The following DZANK1 variants were observed in gnomAD, a reference collection of about 807,000 sequenced individuals.
DZANK1 encodes the protein double zinc ribbon and ankyrin repeat-containing protein 1.
A neutral mutation model predicts 94.5 loss-of-function variants in DZANK1; 91 were observed. That is an observed-to-expected ratio of 0.96 (90% CI 0.81 to 1.15). The LOEUF is 1.15. Ranked by LOEUF, DZANK1 falls within the 50% of genes most tolerant of loss-of-function variation. DZANK1 has a pLI of 0.00. For missense variants in DZANK1, 903 were observed against 916.4 expected (o/e 0.99, Z 0.19); for synonymous variants, 312 against 325.3 (o/e 0.96, Z 0.44).
Position 18,389,873 on chromosome 20 carries a change from TCA to T in DZANK1, c.1891-47_1891-46del, listed in dbSNP as rs1421945642. On this transcript the variant is annotated intron_variant, in intron 18 of 20. Coordinates refer to ENST00000262547, the Ensembl canonical transcript of DZANK1. ...ACAAACTCTCCAAAACACCCTGCAC[TCA>T]ACAGCATCCAGTCGCCATCCTATGA... is the stretch of plus-strand genomic sequence containing the variant. 3.1e-6 allele frequency: 5 copies of T among 1,609,126 alleles called. No homozygotes were observed. The Admixed American group carries it at 8.4e-5, about 27-fold the overall frequency.
At chr20:18,387,107 C>A (rs775213252) in intron 19 of DZANK1, among the ~76,000 whole-genome samples, 1 of 152,204 alleles carries the variant, frequency 6.6e-6, no homozygotes, top group Non-Finnish European at 1.5e-5. Context: ...TGTCACTTCA[C>A]CCCTATGGTT....
intron 19 of DZANK1, among the ~76,000 whole-genome samples, chr20:18,385,303 A>G (rs1449436023): frequency 6.6e-6 from 1 of 151,956 alleles, no homozygotes; most frequent in African/African-American, 2.4e-5. Context: ...TTATAAACAC[A>G]TTCATTTTTT....
intron 17 of DZANK1, among the ~76,000 whole-genome samples, chr20:18,392,715 T>C (rs2056085156): frequency 6.6e-6 from 1 of 152,216 alleles, no homozygotes; most frequent in Admixed American, 6.5e-5. Context: ...TCTAAAACGG[T>C]ACTGACCATC....
intron 8 of DZANK1, among the ~76,000 whole-genome samples, chr20:18,442,626 C>G (rs946036009): frequency 4.6e-5 from 7 of 152,138 alleles, no homozygotes; most frequent in African/African-American, 1.4e-4. Flanking sequence ...TGAGGCATAA[C>G]TCGAATCTAA....
At chr20:18,414,553 A>G (rs1433155164) in intron 11 of DZANK1, 41 bp from the exon 12 acceptor site, 2 of 1,549,670 alleles carry the variant, frequency 1.3e-6, no homozygotes, top group Admixed American at 2.0e-5. Context: ...TAGAGTTATA[A>G]TTTCCTCATG....
intron 10 of DZANK1, among the ~76,000 whole-genome samples, chr20:18,416,856 C>T (rs1202768790): frequency 6.6e-6 from 1 of 152,112 alleles, no homozygotes; most frequent in Non-Finnish European, 1.5e-5. Context: ...TTCAATTATC[C>T]TATTCTTAAA....
In DZANK1 at chr20:18,384,491, C is replaced by A. The variant is rs752231081; in HGVS notation, c.2167G>T (p.Asp723Tyr). ...GCAGCAAAGAGTGAGGTGACAAGGT[C>A]ATCTCCAGTGTTCAGAGCCAGGTCG... The change falls in exon 21 of 21, where the codon GAC becomes TAC. Residue 723 changes from aspartate to tyrosine, a missense_variant. Transcript: ENST00000262547. 1 of 1,612,146 alleles carries A rather than the reference C, an allele frequency of 6.2e-7. No homozygotes were observed. Among genetic ancestry groups the A allele is most frequent in the Non-Finnish European group, 8.5e-7 (1 of 1,179,174 alleles).
chr20:18,428,306 A>G (rs1359476818), intron 9 of DZANK1, among the ~76,000 whole-genome samples: 1 of 151,390 alleles, frequency 6.6e-6, no homozygotes, highest in Non-Finnish European at 1.5e-5. Flanking sequence ...CTTCTGCCTC[A>G]GCCTCCCGAG....
In DZANK1 at chr20:18,390,477, G is replaced by A; in HGVS notation, c.1810-18C>T. The A allele has an allele frequency of 6.2e-7, 1 of 1,611,774 alleles. No individual in the cohort carries two copies. Among genetic ancestry groups the A allele is most frequent in the Non-Finnish European group, 8.5e-7 (1 of 1,177,992 alleles). On this transcript the variant is annotated intron_variant, in intron 17 of 20. Coordinates refer to ENST00000262547, the Ensembl canonical transcript of DZANK1. ...TTTTCAGGCTGCAGGATTACAGAAT[G>A]TGGTCATTTCCCCCACTTCAAAATA... is the stretch of plus-strand genomic sequence containing the variant.
chr20:18,428,696 C>T (rs2058160693), intron 9 of DZANK1: 1 of 152,238 alleles, frequency 6.6e-6, no homozygotes, highest in Non-Finnish European at 1.5e-5. Context: ...TAGTCCAGCA[C>T]TGCGGTCCCT....
chr20:18,449,746 ACT>A (rs1272749387), intron 6 of DZANK1, among the ~76,000 whole-genome samples: 1 of 124,686 alleles, frequency 8.0e-6, no homozygotes, highest in African/African-American at 2.9e-5. Flanking sequence ...TGAGAGTGAG[ACT>A]CTGTCTCAAA....
intron 14 of DZANK1, among the ~76,000 whole-genome samples, chr20:18,397,823 C>G (rs1221060476): frequency 6.6e-6 from 1 of 152,118 alleles, no homozygotes; most frequent in Non-Finnish European, 1.5e-5. Context: ...TGCGGCCACT[C>G]CATGTAGCTT....
In DZANK1 at chr20:18,414,974, C is replaced by G. The variant is rs145266309; in HGVS notation, c.1077+353G>C. On this transcript the variant is annotated intron_variant, in intron 11 of 20. Transcript: ENST00000262547. The stretch of plus-strand genomic sequence containing the variant: ...CTGTGGGACTTAGAGAGAGAGGAGA[C>G]TAACCCTTCACTCTAAAACTTTTTT... Among the ~76,000 whole-genome samples the G allele has an allele frequency of 3.5e-3, 539 of 152,324 alleles. 1 individual carries two copies. Among genetic ancestry groups the G allele is most frequent in the Middle Eastern group, 6.8e-3 (2 of 294 alleles).
intron 8 of DZANK1, among the ~76,000 whole-genome samples, chr20:18,442,271 A>G (rs1285930132): frequency 1.3e-5 from 2 of 152,200 alleles, no homozygotes; most frequent in African/African-American, 4.8e-5. Flanking sequence ...GCAAGTAGAA[A>G]ATAATTTTGG....
chr20:18,451,465 C>T (rs925712339), intron 6 of DZANK1, among the ~76,000 whole-genome samples: 1 of 152,134 alleles, frequency 6.6e-6, no homozygotes, highest in Non-Finnish European at 1.5e-5. Context: ...AAGTTGAGGA[C>T]TTTCTTCATT....
At chr20:18,399,780 C>T (rs2056571738) in intron 13 of DZANK1, among the ~76,000 whole-genome samples, 2 of 152,184 alleles carry the variant, frequency 1.3e-5, no homozygotes, top group South Asian at 2.1e-4. Context: ...ACAGGCTGAC[C>T]ACCTGAGGCC....
rs1286951949 is a variant in DZANK1 at position 18,460,391 on chromosome 20, A to C, written c.110-85T>G. 5 of 988,176 alleles carry C rather than the reference A, an allele frequency of 5.1e-6. No individual in the cohort carries two copies. In the African/African-American group the frequency reaches 6.6e-5, roughly 13 times the overall value. The allele number at this position is 988,176 out of a possible 1,614,324, so 61.2% of individuals were successfully genotyped here. On this transcript the variant is annotated intron_variant, in intron 2 of 20. Coordinates refer to ENST00000262547, the Ensembl canonical transcript of DZANK1. ...TGCCTATAGGTCAGTTTAAGATCTAAGTGTGTGATTTAAGATTTAAAGTTG... is the reference window on the plus strand; with the variant it reads ...TGCCTATAGGTCAGTTTAAGATCTACGTGTGTGATTTAAGATTTAAAGTTG...
chr20:18,422,420 A>C (rs1044677121), intron 10 of DZANK1, among the ~76,000 whole-genome samples: 3 of 152,160 alleles, frequency 2.0e-5, no homozygotes, highest in Non-Finnish European at 4.4e-5. Context: ...TTATGCTAGT[A>C]CCATGCTGTT....
At chr20:18,396,059 C>T (rs764372719) in intron 15 of DZANK1, among the ~76,000 whole-genome samples, 5 of 152,208 alleles carry the variant, frequency 3.3e-5, no homozygotes, top group Non-Finnish European at 2.9e-5. Context: ...ATGTTTGAAA[C>T]ACATTTACAG....
Sources: allele counts gnomAD v4.1 joint callset (sites outside exome capture counted in the v4.1 genomes callset), GRCh38; gene constraint gnomAD v4.1.1; transcripts MANE v1.5; gene names NCBI Gene and HGNC (gene_info 2026-07-23, HGNC 2026-07-21).